The following UBE2E2 variants were observed in gnomAD, a reference collection of about 807,000 sequenced individuals.
The protein encoded by UBE2E2 is ubiquitin-conjugating enzyme E2 E2.
Under a neutral mutation model 24.7 loss-of-function variants are expected in UBE2E2, and 6 were observed. That is an observed-to-expected ratio of 0.24 (90% CI 0.13 to 0.48). The LOEUF (loss-of-function observed/expected upper bound fraction) is 0.48. Among genes scored for constraint, UBE2E2 ranks in the 20% least tolerant of loss-of-function variants. The pLI, the probability that UBE2E2 is intolerant of heterozygous loss-of-function variation, is 0.99. For synonymous variants in UBE2E2, 104 were observed against 83.6 expected (o/e 1.24, Z -1.33); for missense variants, 169 against 245.0 (o/e 0.69, Z 2.07).
chr3:23,460,657 A>G (rs375974070), intron 3 of UBE2E2, among the ~76,000 whole-genome samples: 1 of 152,094 alleles, frequency 6.6e-6, no homozygotes, highest in African/African-American at 2.4e-5. Flanking sequence ...AGGAGAGATT[A>G]TTTTCTTTTG....
intron 3 of UBE2E2, among the ~76,000 whole-genome samples, chr3:23,442,251 AG>A (rs1420080782): frequency 2.6e-5 from 4 of 152,124 alleles, no homozygotes; most frequent in African/African-American, 9.7e-5. Flanking sequence ...AATGCACTAA[AG>A]AGAAGTTTTA....
chr3:23,485,154 G>A (rs1699336887), intron 3 of UBE2E2, among the ~76,000 whole-genome samples: 1 of 146,910 alleles, frequency 6.8e-6, no homozygotes, highest in Non-Finnish European at 1.5e-5. Flanking sequence ...GAGTGCAGTG[G>A]CACGATCTTG....
At chr3:23,542,769 C>T (rs1401269175) in intron 5 of UBE2E2, among the ~76,000 whole-genome samples, 1 of 152,106 alleles carries the variant, frequency 6.6e-6, no homozygotes, top group African/African-American at 2.4e-5. Flanking sequence ...GCTCTGGGAA[C>T]TCAAATTTGG....
intron 3 of UBE2E2, among the ~76,000 whole-genome samples, chr3:23,237,438 A>G (rs1697141850): frequency 6.6e-6 from 1 of 152,090 alleles, no homozygotes; most frequent in Admixed American, 6.6e-5. Context: ...GTGACCCTAG[A>G]TTGCTTGGTT....
At chr3:23,288,549 C>A (rs1329971273) in intron 3 of UBE2E2, among the ~76,000 whole-genome samples, 1 of 152,156 alleles carries the variant, frequency 6.6e-6, no homozygotes, top group Non-Finnish European at 1.5e-5. Flanking sequence ...TGGGATCTAT[C>A]TTTCTCTTTA....
At chr3:23,383,574 A>G (rs973301101) in intron 3 of UBE2E2, among the ~76,000 whole-genome samples, 1 of 152,030 alleles carries the variant, frequency 6.6e-6, no homozygotes, top group Non-Finnish European at 1.5e-5. Flanking sequence ...TTAAATTGGC[A>G]TCTGTCGGCC....
At chr3:23,332,156 T>C (rs571590399) in intron 3 of UBE2E2, among the ~76,000 whole-genome samples, 1 of 152,340 alleles carries the variant, frequency 6.6e-6, no homozygotes, top group South Asian at 2.1e-4. Context: ...TTCCACTTTT[T>C]TTTCTTTTTG....
chr3:23,498,274 C>G lies in UBE2E2; in HGVS notation c.228-1334C>G, dbSNP rs187536932. 4.3e-3 allele frequency among the ~76,000 whole-genome samples: 650 copies of G among 152,256 alleles called. 2 individuals carry two copies. The highest frequency in any genetic ancestry group is 0.014 in the Middle Eastern group (4 of 294). ...TGACTTTTGCATTTAAATATTTAAT[C>G]CATCTGCAACAGCATTTGTTTATTT... is the stretch of plus-strand genomic sequence containing the variant. On this transcript the variant is annotated intron_variant, in intron 3 of 5. Transcript: ENST00000396703.
chr3:23,504,446 T>C (rs1694382502), intron 4 of UBE2E2, among the ~76,000 whole-genome samples: 1 of 152,228 alleles, frequency 6.6e-6, no homozygotes, highest in Admixed American at 6.5e-5. Flanking sequence ...CAGGTTAAAT[T>C]TGTTGCTGTG....
chr3:23,538,136 C>G (rs1695308871), intron 5 of UBE2E2, among the ~76,000 whole-genome samples: 1 of 152,050 alleles, frequency 6.6e-6, no homozygotes, highest in Non-Finnish European at 1.5e-5. Context: ...TTTCCTAGAA[C>G]AATAACTACA....
At chr3:23,435,068 A>G (rs910193891) in intron 3 of UBE2E2, among the ~76,000 whole-genome samples, 1 of 152,202 alleles carries the variant, frequency 6.6e-6, no homozygotes, top group Admixed American at 6.5e-5. Flanking sequence ...AGTGGCTGAA[A>G]TTAAGTGATG....
chr3:23,407,026 A>G lies in UBE2E2; in HGVS notation c.228-92582A>G, dbSNP rs1220223545. Among the ~76,000 whole-genome samples the G allele has an allele frequency of 1.3e-5, 2 of 152,312 alleles. No homozygotes were observed. The highest frequency in any genetic ancestry group is 3.9e-4 in the East Asian group (2 of 5,186). The stretch of plus-strand genomic sequence containing the variant: ...AATTGTAAAGCAATCATATTTGGTG[A>G]TACTTTTAATTCATTGGATTATTCC... On this transcript the variant is annotated intron_variant, in intron 3 of 5. Transcript: ENST00000396703. The surrounding 1 kb of genome is among the most constrained non-coding windows in gnomAD (Gnocchi z 4.0).
At chr3:23,515,168 G>A (rs1050625397) in intron 4 of UBE2E2, among the ~76,000 whole-genome samples, 2 of 151,014 alleles carry the variant, frequency 1.3e-5, no homozygotes, top group East Asian at 1.9e-4. Flanking sequence ...TATATATAGA[G>A]AGAGAGATAC....
Position 23,499,646 on chromosome 3 carries a change from C to G in UBE2E2, c.266C>G (p.Ser89Ter). The change falls in exon 4 of 6, where the codon TCA (serine) becomes TGA (stop). Residue 89 changes from serine (S) to a stop codon, truncating the protein, a stop_gained. Transcript: ENST00000396703. LOFTEE classifies it high-confidence loss of function. Reference protein sequence around the residue: ...PKGDNIYEWRSTILGPPGSVY... With the variant: ...PKGDNIYEWR ...GGAGACAACATTTATGAATGGAGGT[C>G]AACTATATTGGGACCCCCAGGATCT... is the stretch of plus-strand genomic sequence containing the variant. 6.2e-7 allele frequency: 1 copy of G among 1,613,738 alleles called. No individual in the cohort carries two copies. The highest frequency in any genetic ancestry group is 8.5e-7 in the Non-Finnish European group (1 of 1,179,832).
intron 3 of UBE2E2, among the ~76,000 whole-genome samples, chr3:23,358,562 T>G (rs1198506076): frequency 6.6e-6 from 1 of 152,212 alleles, no homozygotes; most frequent in African/African-American, 2.4e-5. Context: ...AGACTTTTAT[T>G]TTAGGATTGA....
chr3:23,441,538 CAAAAAA>C (rs147766521), intron 3 of UBE2E2, among the ~76,000 whole-genome samples: 1 of 95,794 alleles, frequency 1.0e-5, no homozygotes, highest in Non-Finnish European at 2.1e-5. Flanking sequence ...GACTCCGTCT[CAAAAAA>C]AAAAAAAAAA....
intron 3 of UBE2E2, among the ~76,000 whole-genome samples, chr3:23,429,002 A>G (rs954563362): frequency 3.3e-5 from 5 of 151,948 alleles, no homozygotes; most frequent in African/African-American, 1.2e-4. Flanking sequence ...TTAAAAGGGT[A>G]ATAAAGAAAT....
chr3:23,544,033 C>G (rs1695457512), intron 5 of UBE2E2, among the ~76,000 whole-genome samples: 1 of 152,164 alleles, frequency 6.6e-6, no homozygotes, highest in Admixed American at 6.5e-5. Context: ...AAACTTGATT[C>G]CTGTCTCTTA....
At chr3:23,449,335 T>C (rs1559387030) in intron 3 of UBE2E2, among the ~76,000 whole-genome samples, 1 of 152,234 alleles carries the variant, frequency 6.6e-6, no homozygotes, top group Admixed American at 6.5e-5. Context: ...CAGATCTTTG[T>C]TTCCATTGAC....
Sources: gnomAD v4.1 joint callset for allele counts (sites outside exome capture counted in the v4.1 genomes callset) on GRCh38, gnomAD v4.1.1 for gene constraint, Gnocchi (gnomAD v3.1) non-coding constraint, MANE v1.5 for transcripts, NCBI Gene and HGNC (gene_info 2026-07-23, HGNC 2026-07-21) for gene names.